The following ALDH5A1 variants were observed in gnomAD, a reference collection of about 807,000 sequenced individuals.
The protein encoded by ALDH5A1 is aldehyde dehydrogenase 5 family member A1, also known as succinate-semialdehyde dehydrogenase, mitochondrial.
Under a neutral mutation model 54.7 loss-of-function variants are expected in ALDH5A1, and 33 were observed. The observed-to-expected ratio is 0.60, with a 90% CI of 0.46 to 0.81. The LOEUF (loss-of-function observed/expected upper bound fraction) is 0.81. Among genes scored for constraint, ALDH5A1 ranks in the 30% least tolerant of loss-of-function variants. ALDH5A1 has a pLI of 0.00. For synonymous variants in ALDH5A1, 294 were observed against 292.7 expected, an observed-to-expected ratio of 1.00 and a Z score of -0.05; for missense variants, 657 against 711.0, an observed-to-expected ratio of 0.92 and a Z score of 0.86.
chr6:24,495,125 G>C lies in ALDH5A1; in HGVS notation c.129G>C (p.Gln43His). The change falls in exon 1 of 10, where the codon CAG (glutamine) becomes CAC (histidine). Residue 43 changes from glutamine to histidine, a missense_variant. By Grantham distance (24) the Gln-to-His change is conservative (BLOSUM62 0). Around this residue, in one of 2 missense-constraint regions of ALDH5A1, gnomAD observed 232 missense variants for 194.6 expected, o/e 1.19. Coordinates refer to ENST00000357578, the MANE Select transcript of ALDH5A1 (RefSeq NM_001080.3). The part of the protein sequence containing the change: ...PASGPAPGPA[Q>H]LRCYAGRLAG... ...CCGGGCCTGCGCCCGGCCCGGCCCA[G>C]CTCCGCTGCTACGCTGGGCGCCTGG... 7.2e-7 allele frequency: 1 copy of C among 1,381,514 alleles called. No individual in the cohort carries two copies. The highest frequency in any genetic ancestry group is 1.7e-5 in the South Asian group (1 of 59,300). 85.6% of individuals were successfully genotyped at this position (1,381,514 alleles called of 1,614,324 possible).
chr6:24,504,548 T>C (rs1192505604), intron 3 of ALDH5A1, among the ~76,000 whole-genome samples: 1 of 152,230 alleles, frequency 6.6e-6, no homozygotes, highest in South Asian at 2.1e-4. Flanking sequence ...AGTTGAGTAA[T>C]TGCCATAGAA....
chr6:24,512,403 A>G (rs1759476316), intron 4 of ALDH5A1, among the ~76,000 whole-genome samples: 1 of 152,144 alleles, frequency 6.6e-6, no homozygotes, highest in Admixed American at 6.5e-5. Flanking sequence ...CCCATCCACC[A>G]TGATCTCTAA....
Position 24,502,510 on chromosome 6 carries a change from A to G in ALDH5A1, c.355-13A>G. 1 of 1,592,926 alleles carries G rather than the reference A, an allele frequency of 6.3e-7. No homozygotes were observed. Among genetic ancestry groups the G allele is most frequent in the Non-Finnish European group, 8.6e-7 (1 of 1,160,862 alleles). On this transcript the variant is annotated splice_polypyrimidine_tract_variant and intron_variant, in intron 1 of 9. Transcript: ENST00000357578. Reference sequence around the variant, plus strand: ...CATTTTATTACTTTTCTGCCTTGTTATTTCTTTTGCAGGAGAGGAGTTCAT... The same window carrying G: ...CATTTTATTACTTTTCTGCCTTGTTGTTTCTTTTGCAGGAGAGGAGTTCAT...
At chr6:24,515,724 A>G (rs1759559034) in intron 5 of ALDH5A1, among the ~76,000 whole-genome samples, 2 of 152,182 alleles carry the variant, frequency 1.3e-5, no homozygotes, top group South Asian at 2.1e-4. Context: ...CTGTTTCAAA[A>G]AAAAGGTCTG....
chr6:24,499,265 C>G (rs1008824358), intron 1 of ALDH5A1, among the ~76,000 whole-genome samples: 3 of 152,058 alleles, frequency 2.0e-5, no homozygotes, highest in Non-Finnish European at 4.4e-5. Context: ...GTACTCCAGC[C>G]TGGGTGACAG....
chr6:24,523,985 G>GTTTTTTTTTT (rs36023125), intron 7 of ALDH5A1, among the ~76,000 whole-genome samples: 3 of 113,386 alleles, frequency 2.6e-5, no homozygotes, highest in Non-Finnish European at 3.7e-5. Context: ...AGTTTTTTGT[G>GTTTTTTTTTT]TTTTTTTTTT....
At chr6:24,533,398 C>T in intron 9 of ALDH5A1, 109 bp from the exon 10 acceptor site, 9 of 1,167,712 alleles carry the variant, frequency 7.7e-6, no homozygotes, top group Non-Finnish European at 1.1e-5. Flanking sequence ...AGGGAAGACT[C>T]CAGGCCCAAG....
At chr6:24,501,891 ATATATGTG>A (rs1401261484) in intron 1 of ALDH5A1, among the ~76,000 whole-genome samples, 3 of 117,076 alleles carry the variant, frequency 2.6e-5, no homozygotes, top group African/African-American at 9.5e-5. Flanking sequence ...ATATATATAT[ATATATGTG>A]TGTGTGTGTG....
chr6:24,533,778 A>C lies in ALDH5A1; in HGVS notation c.*66A>C, dbSNP rs1759986702. On this transcript the variant is annotated 3_prime_UTR_variant, in exon 10 of 10. Transcript: ENST00000357578. ...CTACATATATAGGTACATGCCATCC[A>C]TTATTTTAAATAAACTAATAGGTTT... 1 of 1,412,216 alleles carries C rather than the reference A, an allele frequency of 7.1e-7. No individual in the cohort carries two copies. The highest frequency in any genetic ancestry group is 1.2e-5 in the South Asian group (1 of 82,916). The allele number at this position is 1,412,216 out of a possible 1,614,324, so 87.5% of individuals were successfully genotyped here.
rs1759654232 is a variant in ALDH5A1, at chr6:24,520,275, A to G, written c.871-126A>G. The G allele has an allele frequency of 3.4e-5, 36 of 1,064,148 alleles. 1 individual carries two copies. In the South Asian group the frequency reaches 4.3e-4, roughly 13 times the overall value. 65.9% of individuals were successfully genotyped at this position (1,064,148 alleles called of 1,614,324 possible). On this transcript the variant is annotated intron_variant, in intron 5 of 9. Coordinates refer to ENST00000357578, the MANE Select transcript of ALDH5A1 (RefSeq NM_001080.3). ...TTCTTATTTCTCCGTTTTCTTATGC[A>G]AAGTTATCCCATGTACACCACTGTG...
At chr6:24,505,898 G>A (rs867108420) in intron 4 of ALDH5A1, among the ~76,000 whole-genome samples, 8 of 151,484 alleles carry the variant, frequency 5.3e-5, no homozygotes, top group African/African-American at 1.7e-4. Flanking sequence ...AACCCTGGGG[G>A]CGGAGATTGC....
chr6:24,510,674 T>C (rs1759442449), intron 4 of ALDH5A1, among the ~76,000 whole-genome samples: 2 of 152,228 alleles, frequency 1.3e-5, no homozygotes, highest in African/African-American at 4.8e-5. Flanking sequence ...TCCACCCCTT[T>C]ACCTTAAGTT....
At chr6:24,513,218 C>T (rs995031163) in intron 4 of ALDH5A1, among the ~76,000 whole-genome samples, 5 of 152,048 alleles carry the variant, frequency 3.3e-5, no homozygotes, top group African/African-American at 9.7e-5. Context: ...CACCACCATA[C>T]CCAGCTAATT....
rs747336313 is a variant in ALDH5A1, at chr6:24,520,496, C to CCA, written c.967_968dup (p.Gln323HisfsTer4). The CCA allele has an allele frequency of 2.5e-6, 4 of 1,614,018 alleles. No individual in the cohort carries two copies. The highest frequency in any genetic ancestry group is 3.4e-6 in the Non-Finnish European group (4 of 1,180,042). ...TAGTATTTGACAGTGCCAACGTGGA[C>CCA]CAGGCTGTAGCAGGGGCCATGGCAT... On this transcript the variant is annotated frameshift_variant, in exon 6 of 10. Coordinates refer to ENST00000357578, the MANE Select transcript of ALDH5A1 (RefSeq NM_001080.3). LOFTEE classifies it high-confidence loss of function.
Position 24,517,135 on chromosome 6 carries a change from A to C in ALDH5A1, c.870+1825A>C, listed in dbSNP as rs1372759378. The stretch of plus-strand genomic sequence containing the variant: ...GATTCTCGTGCTCAGATTCTTGAGT[A>C]GCTAGGATTACAGGCATGTGCCACT... On this transcript the variant is annotated intron_variant, in intron 5 of 9. Transcript: ENST00000357578. Among the ~76,000 whole-genome samples, 5 of 152,126 alleles carry C rather than the reference A, an allele frequency of 3.3e-5. No homozygotes were observed. The East Asian group carries it at 9.7e-4, about 29-fold the overall frequency.
At chr6:24,515,699 G>T (rs146470296) in intron 5 of ALDH5A1, among the ~76,000 whole-genome samples, 1,606 of 152,290 alleles carry the variant, frequency 0.011, 45 homozygotes, top group South Asian at 0.089. Flanking sequence ...TCCAGACTGG[G>T]TGACAGAGCA....
At chr6:24,530,255 C>A (rs1437206809) in intron 8 of ALDH5A1, among the ~76,000 whole-genome samples, 3 of 152,160 alleles carry the variant, frequency 2.0e-5, no homozygotes, top group Admixed American at 6.5e-5. Context: ...ATCTTTATCT[C>A]AACAATTGTT....
In ALDH5A1 at chr6:24,522,795, T is replaced by A; in HGVS notation, c.1043T>A (p.Val348Glu). Residue 348 changes from valine to glutamate, a missense_variant, in exon 7 of 10, where the codon GTG becomes GAG. Coordinates refer to ENST00000357578, the MANE Select transcript of ALDH5A1 (RefSeq NM_001080.3). ...TGTGTTTGCTCAAACCAATTCTTGG[T>A]GCAAAGGGGCATCCATGATGCCTTT... ...QTCVCSNQFL[V>E]QRGIHDAFVK... 4.3e-6 allele frequency: 7 copies of A among 1,613,992 alleles called. No individual in the cohort carries two copies. The highest frequency in any genetic ancestry group is 5.9e-6 in the Non-Finnish European group (7 of 1,179,984).
At chr6:24,507,258 G>A (rs781754232) in intron 4 of ALDH5A1, among the ~76,000 whole-genome samples, 1 of 152,036 alleles carries the variant, frequency 6.6e-6, no homozygotes, top group Non-Finnish European at 1.5e-5. Context: ...AATGTTGACA[G>A]TAGTCTGGGC....
Sources: gnomAD v4.1 joint callset for allele counts (sites outside exome capture counted in the v4.1 genomes callset) on GRCh38, gnomAD v4.1.1 for gene constraint, gnomAD v4.1.1 regional missense constraint, MANE v1.5 for transcripts, NCBI Gene and HGNC (gene_info 2026-07-23, HGNC 2026-07-21) for gene names.